CERK: variants seen among roughly 807,000 people sequenced by gnomAD.
The protein encoded by CERK is ceramide kinase, also known as acylsphingosine kinase.
Under a neutral mutation model 63.4 loss-of-function variants are expected in CERK, and 39 were observed. That is an observed-to-expected ratio of 0.61 (90% CI 0.48 to 0.80). CERK has a LOEUF of 0.80. Ranked by LOEUF, CERK falls within the 30% of genes least tolerant of loss-of-function variation. CERK has a pLI of 0.00. For synonymous variants in CERK, 302 were observed against 280.0 expected, an observed-to-expected ratio of 1.08 and a Z score of -0.78; for missense variants, 670 against 714.1, an observed-to-expected ratio of 0.94 and a Z score of 0.70.
chr22:46,694,684 C>A (rs1569319547), intron 9 of CERK, among the ~76,000 whole-genome samples: 1 of 152,170 alleles, frequency 6.6e-6, no homozygotes, highest in Non-Finnish European at 1.5e-5. Flanking sequence ...CTGGGCTCTG[C>A]TAACCTTAGA....
At chr22:46,721,055 G>A in intron 1 of CERK, 40 bp from the exon 2 acceptor site, 1 of 1,289,916 alleles carries the variant, frequency 7.8e-7, no homozygotes, top group African/African-American at 1.5e-5. Context: ...GAATTCGTCA[G>A]AATCCACACA....
At chr22:46,734,186 A>G (rs1032863905) in intron 1 of CERK, among the ~76,000 whole-genome samples, 7 of 152,100 alleles carry the variant, frequency 4.6e-5, no homozygotes, top group African/African-American at 1.7e-4. Flanking sequence ...CCACATAGTC[A>G]AGGTGAATGG....
intron 1 of CERK, among the ~76,000 whole-genome samples, chr22:46,721,647 G>A (rs1354945569): frequency 6.6e-6 from 1 of 152,126 alleles, no homozygotes; most frequent in South Asian, 2.1e-4. Flanking sequence ...AAACATGCTC[G>A]AGACATGGCC....
chr22:46,727,135 C>T (rs569148382), intron 1 of CERK, among the ~76,000 whole-genome samples: 20 of 152,286 alleles, frequency 1.3e-4, no homozygotes, highest in African/African-American at 4.1e-4. Context: ...TCTGACCGCA[C>T]GGATGATGAA....
At chr22:46,704,262 C>T (rs73180679) in intron 6 of CERK, among the ~76,000 whole-genome samples, 4,424 of 152,270 alleles carry the variant, frequency 0.029, 89 homozygotes, top group Non-Finnish European at 0.04. Context: ...ACTCCTGAGC[C>T]GCAGGTCTCA....
At chr22:46,700,597 C>T (rs1346190177) in intron 7 of CERK, among the ~76,000 whole-genome samples, 1 of 152,142 alleles carries the variant, frequency 6.6e-6, no homozygotes, top group African/African-American at 2.4e-5. Flanking sequence ...TCTGCAATCT[C>T]AGCTACTTAG....
At chr22:46,689,131 G>A (rs561609113) in intron 12 of CERK, among the ~76,000 whole-genome samples, 4 of 152,234 alleles carry the variant, frequency 2.6e-5, no homozygotes, top group Non-Finnish European at 2.9e-5. Context: ...CCGAACATCC[G>A]TGTGTGGCCA....
At chr22:46,720,770 A>G (rs936533592) in intron 2 of CERK, 132 bp downstream of exon 2, 2 of 579,364 alleles carry the variant, frequency 3.5e-6, no homozygotes, top group East Asian at 2.8e-5. Flanking sequence ...GCATTTGGGG[A>G]AAAAAATAGG....
intron 12 of CERK, among the ~76,000 whole-genome samples, chr22:46,688,095 G>A (rs989028239): frequency 1.3e-5 from 2 of 152,132 alleles, no homozygotes; most frequent in Non-Finnish European, 1.5e-5. Flanking sequence ...GGCTGAGGCA[G>A]GAGAATTGCT....
At chr22:46,702,214 A>AT (rs1336658121) in intron 6 of CERK, among the ~76,000 whole-genome samples, 1 of 109,142 alleles carries the variant, frequency 9.2e-6, no homozygotes, top group African/African-American at 3.6e-5. Context: ...AAGTTAAAAA[A>AT]ATATATATAT....
chr22:46,703,997 G>A (rs1271201396), intron 6 of CERK, among the ~76,000 whole-genome samples: 1 of 152,216 alleles, frequency 6.6e-6, no homozygotes, highest in East Asian at 1.9e-4. Context: ...GACACCCATG[G>A]AAAGGGGCCA....
rs1471085981 is a variant in CERK, at chr22:46,714,749, T to A, written c.380-2456A>T. Among the ~76,000 whole-genome samples, 1 of 152,148 alleles carries A rather than the reference T, an allele frequency of 6.6e-6. No homozygotes were observed. Among genetic ancestry groups the A allele is most frequent in the Admixed American group, 6.5e-5 (1 of 15,276 alleles). On this transcript the variant is annotated intron_variant, in intron 3 of 12. Transcript: ENST00000216264. This position sits in a 1 kb window ranked among gnomAD's most constrained non-coding sequence, Gnocchi z 4.4. ...GAGAACAGAAAAAAACAAACACGTA[T>A]GAACTCTTTGTATGACACACCACTG...
intron 6 of CERK, among the ~76,000 whole-genome samples, chr22:46,702,223 ATGTGTGTGTGTGTGTGTGTGTGTGTGTG>A: frequency 1.2e-5 from 1 of 84,782 alleles, no homozygotes; most frequent in Admixed American, 1.6e-4. Context: ...AAATATATAT[ATGTGTGTGTGTGTGTGTGTGTGTGTGTG>A]TGTGTGTGTG....
Position 46,701,658 on chromosome 22 carries a change from G to A in CERK, c.768C>T (p.Thr256=). Residue 256 remains threonine, a synonymous_variant, in exon 7 of 13, where the codon ACC becomes ACT. Coordinates refer to ENST00000216264, the MANE Select transcript of CERK (RefSeq NM_022766.6). ...YSTVGTSDAE[T]SALHIVVGDS... ...CACCAACAACGATATGCAGCGCCGA[G>A]GTTTCTGCGTCGCTGGTGCCCACGG... The A allele has an allele frequency of 6.4e-7, 1 of 1,559,312 alleles. No individual in the cohort carries two copies. Among genetic ancestry groups the A allele is most frequent in the African/African-American group, 1.4e-5 (1 of 73,424 alleles).
intron 6 of CERK, among the ~76,000 whole-genome samples, chr22:46,702,261 G>A (rs2082790233): frequency 6.9e-6 from 1 of 144,036 alleles, no homozygotes; most frequent in Non-Finnish European, 1.5e-5. Context: ...GTGTGTGTGT[G>A]TGTGTGAACA....
At chr22:46,702,208 T>TA (rs1401175534) in intron 6 of CERK, among the ~76,000 whole-genome samples, 3 of 116,070 alleles carry the variant, frequency 2.6e-5, no homozygotes, top group African/African-American at 9.9e-5. Flanking sequence ...GCCAAAAAGT[T>TA]AAAAAAATAT....
At chr22:46,694,105 C>G (rs568048929) in intron 9 of CERK, among the ~76,000 whole-genome samples, 1 of 152,182 alleles carries the variant, frequency 6.6e-6, no homozygotes, top group South Asian at 2.1e-4. Context: ...TTTATGGTCT[C>G]CAATTCTTCA....
chr22:46,691,904 G>A (rs2082733679), intron 10 of CERK, 127 bp from the exon 11 acceptor site: 6 of 661,540 alleles, frequency 9.1e-6, no homozygotes, highest in South Asian at 7.8e-5. Context: ...TCATGCAATC[G>A]ACTCTTCAGC....
intron 1 of CERK, among the ~76,000 whole-genome samples, chr22:46,736,657 T>G (rs1319690611): frequency 3.3e-5 from 5 of 152,144 alleles, no homozygotes; most frequent in African/African-American, 1.2e-4. Flanking sequence ...AAAGGGGACA[T>G]GAGAAATACC....
Sources: allele counts gnomAD v4.1 joint callset (sites outside exome capture counted in the v4.1 genomes callset), GRCh38; gene constraint gnomAD v4.1.1; non-coding constraint Gnocchi (gnomAD v3.1); transcripts MANE v1.5; gene names NCBI Gene and HGNC (gene_info 2026-07-23, HGNC 2026-07-21).